CNTN4: variants seen among roughly 807,000 people sequenced by gnomAD.
The protein encoded by CNTN4 is contactin-4.
CNTN4 carries 77 observed loss-of-function variants against 122.5 expected under a neutral mutation model. That is an observed-to-expected ratio of 0.63 (90% CI 0.52 to 0.76). CNTN4 has a LOEUF of 0.76. Ranked by LOEUF, CNTN4 falls within the 30% of genes least tolerant of loss-of-function variation. CNTN4 has a pLI of 0.00. For missense variants in CNTN4, 1,256 were observed against 1,259.1 expected, an observed-to-expected ratio of 1.00 and a Z score of 0.04; for synonymous variants, 512 against 447.0, an observed-to-expected ratio of 1.15 and a Z score of -1.83.
At chr3:2,492,162 G>A (rs1575759920) in intron 3 of CNTN4, among the ~76,000 whole-genome samples, 1 of 152,176 alleles carries the variant, frequency 6.6e-6, no homozygotes, top group Admixed American at 6.5e-5. Context: ...TTCTAGCACA[G>A]TGGCTTTTAT....
At chr3:2,168,750 G>A (rs1461073456) in intron 2 of CNTN4, among the ~76,000 whole-genome samples, 1 of 152,058 alleles carries the variant, frequency 6.6e-6, no homozygotes, top group African/African-American at 2.4e-5. Flanking sequence ...AAAGGAGATA[G>A]GACCATTTGT....
intron 4 of CNTN4, among the ~76,000 whole-genome samples, chr3:2,598,936 A>G (rs972115987): frequency 2.6e-5 from 4 of 152,150 alleles, no homozygotes; most frequent in African/African-American, 7.2e-5. Context: ...GAAGATTGTT[A>G]TTTTTTACTT....
chr3:2,862,034 T>C (rs2093676565), intron 7 of CNTN4, among the ~76,000 whole-genome samples: 1 of 152,216 alleles, frequency 6.6e-6, no homozygotes, highest in South Asian at 2.1e-4. Context: ...ACTTGTCAAA[T>C]GTGTGATCAT....
chr3:2,576,537 G>T lies in CNTN4; in HGVS notation c.55+4979G>T, dbSNP rs947568933. 1.5e-4 allele frequency among the ~76,000 whole-genome samples: 21 copies of T among 143,908 alleles called. 1 individual carries two copies. The East Asian group carries it at 3.7e-3, about 25-fold the overall frequency. 94.4% of individuals were successfully genotyped at this position (143,908 alleles called of 152,430 possible). ...CCATTTCTTATTTTATTTTATTTTT[G>T]TTACTGTTTTTTTCTTTTTTTTTTT... On this transcript the variant is annotated intron_variant, in intron 4 of 24. Coordinates refer to ENST00000418658, the MANE Select transcript of CNTN4 (RefSeq NM_175607.3).
intron 4 of CNTN4, among the ~76,000 whole-genome samples, chr3:2,686,127 G>A (rs1270996633): frequency 6.6e-6 from 1 of 152,162 alleles, no homozygotes. Context: ...AGTGGTCAGG[G>A]AGTCCTGTTA....
intron 4 of CNTN4, among the ~76,000 whole-genome samples, chr3:2,668,065 G>T (rs1648614612): frequency 6.6e-6 from 1 of 152,076 alleles, no homozygotes; most frequent in African/African-American, 2.4e-5. Flanking sequence ...GGATTGTCTT[G>T]GCGATGCGGG....
intron 7 of CNTN4, among the ~76,000 whole-genome samples, chr3:2,825,443 C>T (rs1379797895): frequency 1.3e-5 from 2 of 152,006 alleles, no homozygotes; most frequent in East Asian, 3.9e-4. Flanking sequence ...AGGCTGGTCT[C>T]AAACTCCTGA....
intron 3 of CNTN4, among the ~76,000 whole-genome samples, chr3:2,363,923 A>C (rs1213771530): frequency 6.6e-6 from 1 of 152,234 alleles, no homozygotes; most frequent in Non-Finnish European, 1.5e-5. Context: ...CTACAAATAG[A>C]AAATAAATAA....
chr3:2,746,576 C>T (rs1198483550), intron 6 of CNTN4, among the ~76,000 whole-genome samples: 1 of 152,218 alleles, frequency 6.6e-6, no homozygotes, highest in Non-Finnish European at 1.5e-5. Flanking sequence ...AATCCCAACT[C>T]ATATAGCAGT....
intron 5 of CNTN4, among the ~76,000 whole-genome samples, chr3:2,745,283 A>G (rs565567701): frequency 1.3e-5 from 2 of 152,328 alleles, no homozygotes; most frequent in Admixed American, 6.5e-5. Context: ...TCAGAAGAAC[A>G]TTTTAATGAT....
intron 2 of CNTN4, among the ~76,000 whole-genome samples, chr3:2,197,068 A>AG (rs58243796): frequency 0.057 from 7,997 of 139,232 alleles, 453 homozygotes; most frequent in East Asian, 0.32. Context: ...AAAAAAAAAA[A>AG]AAGAAGAAGA....
At chr3:2,916,926 G>A (rs187303794) in intron 12 of CNTN4, among the ~76,000 whole-genome samples, 14 of 146,290 alleles carry the variant, frequency 9.6e-5, no homozygotes, top group South Asian at 4.5e-4. Context: ...CTGCAGTCTC[G>A]GCACTTTGGG....
chr3:3,006,078 C>T (rs916438658), intron 14 of CNTN4, among the ~76,000 whole-genome samples: 17 of 151,750 alleles, frequency 1.1e-4, no homozygotes, highest in Admixed American at 2.0e-4. Context: ...TTAGTAGAGA[C>T]GGGGTTTCAG....
intron 6 of CNTN4, among the ~76,000 whole-genome samples, chr3:2,778,304 A>ATAAGAGAAAACCATGATACGATTGTTTT (rs2091431789): frequency 6.7e-6 from 1 of 149,090 alleles, no homozygotes; most frequent in Non-Finnish European, 1.5e-5. Flanking sequence ...CCATGTATGT[A>ATAAGAGAAAACCATGATACGATTGTTTT]TAAGAGAAAA....
intron 23 of CNTN4, among the ~76,000 whole-genome samples, chr3:3,049,190 C>T (rs1700995365): frequency 6.6e-6 from 1 of 152,190 alleles, no homozygotes; most frequent in Non-Finnish European, 1.5e-5. Context: ...TCAAGCAGTT[C>T]TCCTGCCTCA....
intron 4 of CNTN4, among the ~76,000 whole-genome samples, chr3:2,665,655 A>G (rs2084116015): frequency 1.3e-5 from 2 of 152,222 alleles, no homozygotes; most frequent in South Asian, 4.1e-4. Flanking sequence ...GATGAGCCTC[A>G]CCCTAATTAG....
intron 4 of CNTN4, among the ~76,000 whole-genome samples, chr3:2,705,769 T>TATA (rs2086663844): frequency 9.9e-6 from 1 of 100,846 alleles, no homozygotes; most frequent in African/African-American, 4.1e-5. Flanking sequence ...TAATATATAT[T>TATA]TATTATATAT....
At chr3:2,253,427 C>T (rs1478859605) in intron 2 of CNTN4, among the ~76,000 whole-genome samples, 2 of 123,550 alleles carry the variant, frequency 1.6e-5, no homozygotes, top group African/African-American at 3.8e-5. Context: ...TTTTAGTGAA[C>T]GAAACAAAAG....
intron 6 of CNTN4, among the ~76,000 whole-genome samples, chr3:2,768,388 T>C (rs1351044212): frequency 6.6e-6 from 1 of 152,230 alleles, no homozygotes; most frequent in Non-Finnish European, 1.5e-5. Flanking sequence ...ATCTGACTAA[T>C]TGGCTCAATA....
Sources: allele counts gnomAD v4.1 joint callset (sites outside exome capture counted in the v4.1 genomes callset), GRCh38; gene constraint gnomAD v4.1.1; transcripts MANE v1.5; gene names NCBI Gene and HGNC (gene_info 2026-07-23, HGNC 2026-07-21).